KRT9: variants seen among roughly 807,000 people sequenced by gnomAD.
KRT9 encodes the protein keratin 9.
A neutral mutation model predicts 51.4 loss-of-function variants in KRT9; 34 were observed. The observed-to-expected ratio is 0.66, with a 90% confidence interval of 0.50 to 0.88. The LOEUF (loss-of-function observed/expected upper bound fraction) is 0.88. Ranked by LOEUF, KRT9 falls within the 40% of genes least tolerant of loss-of-function variation. KRT9 has a pLI of 0.00. For synonymous variants in KRT9, 292 were observed against 289.7 expected (o/e 1.01, Z -0.08); for missense variants, 753 against 790.3 (o/e 0.95, Z 0.57).
rs11313278 is a variant in KRT9 at position 41,567,173 on chromosome 17, C to CA, written c.*40+59dup. Reference sequence around the variant, plus strand: ...TGTTCCCCAGAGATTCAAAAATACTCAAAAAAAAAAAAAGGTGAGACCTTG... The same window carrying CA: ...TGTTCCCCAGAGATTCAAAAATACTCAAAAAAAAAAAAAAGGTGAGACCTTG... On this transcript the variant is annotated intron_variant, in intron 7 of 7. Transcript: ENST00000246662. 161,800 of 1,385,652 alleles carry CA rather than the reference C, an allele frequency of 0.12. 826 individuals carry two copies. The highest frequency in any genetic ancestry group is 0.17 in the Middle Eastern group (720 of 4,274). The allele number at this position is 1,385,652 out of a possible 1,614,324, so 85.8% of individuals were successfully genotyped here. A position where few individuals can be genotyped will look rare whatever the true frequency, so the allele number is the denominator to read the frequency against.
Position 41,571,969 on chromosome 17 carries a change from C to T in KRT9, c.24G>A (p.Ser8=), listed in dbSNP as rs544867237. Residue 8 remains serine, a synonymous_variant, in exon 1 of 8, where the codon TCG becomes TCA. Coordinates refer to ENST00000246662, the MANE Select transcript of KRT9 (RefSeq NM_000226.4). ...CCCCGCCGCTGCGGCTCAAGTAGGA[C>T]GAGGAGAACTGTCTGCAGCTCATGA... MSCRQFS[S]SYLSRSGGGG... 36 of 1,585,036 alleles carry T rather than the reference C, an allele frequency of 2.3e-5. No homozygotes were observed. The highest frequency in any genetic ancestry group is 2.1e-4 in the Admixed American group (12 of 56,404).
In KRT9 at chr17:41,569,566, GC is replaced by G; in HGVS notation, c.903del (p.Gln302ArgfsTer10). 1 of 1,613,872 alleles carries G rather than the reference GC, an allele frequency of 6.2e-7. No homozygotes were observed. Among genetic ancestry groups the G allele is most frequent in the South Asian group, 1.1e-5 (1 of 91,052 alleles). On this transcript the variant is annotated frameshift_variant, in exon 4 of 8. Transcript: ENST00000246662. LOFTEE classifies it high-confidence loss of function. ...NHKEEMSQLT[G>X]QNSGDVNVEI... ...TCCACATTGACATCTCCACTGTTCT[GC>G]CCAGTCAGCTGACTCATCTCCTGCC...
chr17:41,570,205 C>A lies in KRT9; in HGVS notation c.658G>T (p.Val220Leu). 1 of 1,613,912 alleles carries A rather than the reference C, an allele frequency of 6.2e-7. No individual in the cohort carries two copies. The highest frequency in any genetic ancestry group is 8.5e-7 in the Non-Finnish European group (1 of 1,179,894). ...TCCAGGAGAGTTTTGTTGTTGCCCA[C>A]TGTCAGGTCCACAATCTGAAAAAAA... is the stretch of plus-strand genomic sequence containing the variant. ...DLKDQIVDLT[V>L]GNNKTLLDID... Residue 220 changes from valine (V) to leucine (L), a missense_variant, in exon 2 of 8, where the codon GTG (valine) becomes TTG (leucine). Around this residue, in one of 3 missense-constraint regions of KRT9, gnomAD observed 507 missense variants for 563.7 expected, o/e 0.90. Transcript: ENST00000246662.
chr17:41,568,740 G>A (rs887526754), intron 4 of KRT9, 107 bp from the exon 5 acceptor site: 177 of 1,430,710 alleles, frequency 1.2e-4, no homozygotes, highest in Middle Eastern at 4.2e-4. Context: ...AGGCTGATCT[G>A]AAGCCAATGA....
intron 6 of KRT9, 78 bp downstream of exon 6, chr17:41,568,084 G>T: frequency 1.6e-6 from 2 of 1,276,588 alleles, no homozygotes; most frequent in South Asian, 2.5e-5. Context: ...TCCCCCAGCT[G>T]CCTCTATCCA....
In KRT9 at chr17:41,571,704, AACCTCT is replaced by A. The variant is rs1351127580; in HGVS notation, c.283_288del (p.Arg95_Gly96del). 6.2e-7 allele frequency: 1 copy of A among 1,608,732 alleles called. No individual in the cohort carries two copies. Among genetic ancestry groups the A allele is most frequent in the East Asian group, 2.3e-5 (1 of 44,384 alleles). On this transcript the variant is annotated inframe_deletion, in exon 1 of 8. Coordinates refer to ENST00000246662, the MANE Select transcript of KRT9 (RefSeq NM_000226.4). ...TAGCCTCCTCCAGAAGCACCACCAA[AACCTCT>A]GGAACCACCCCCAAAGCCACCGCCT...
chr17:41,567,210 C>G, intron 7 of KRT9, 23 bp downstream of exon 7: 1 of 1,613,414 alleles, frequency 6.2e-7, no homozygotes, highest in Non-Finnish European at 8.5e-7. Flanking sequence ...CTCTCCACCC[C>G]ACAACCTAGG....
At position 41,568,751 on chromosome 17, in the gene KRT9, C is replaced by T. The variant is rs1043082012; in HGVS notation, c.1045-118G>A. ...GCCAAGGCTGATCTGAAGCCAATGA[C>T]AAGTCATTCTGAGTTCTGGGTACCC... On this transcript the variant is annotated intron_variant, in intron 4 of 7. Coordinates refer to ENST00000246662, the MANE Select transcript of KRT9 (RefSeq NM_000226.4). 4.5e-5 allele frequency: 61 copies of T among 1,360,064 alleles called. 1 individual carries two copies. The Admixed American group carries it at 1.0e-3, about 23-fold the overall frequency. The allele number at this position is 1,360,064 out of a possible 1,614,324, so 84.2% of individuals were successfully genotyped here.
At position 41,567,582 on chromosome 17, in the gene KRT9, A is replaced by T. The variant is rs1249200329; in HGVS notation, c.1563T>A (p.Gly521=). ...GSRGGSGGSY[G]GGSGSGGGSG... is the part of the protein sequence containing the mutation. ...TACCTCCTCCAGAACCACTTCCTCC[A>T]CCGTAGCTGCCTCCACTTCCTCCCC... Residue 521 remains glycine, a synonymous_variant, in exon 7 of 8, where the codon GGT becomes GGA. Transcript: ENST00000246662. 3.2e-6 allele frequency: 5 copies of T among 1,553,700 alleles called. No homozygotes were observed. Among genetic ancestry groups the T allele is most frequent in the Non-Finnish European group, 4.4e-6 (5 of 1,149,402 alleles).
chr17:41,571,978 C>A lies in KRT9; in HGVS notation c.15G>T (p.Gln5His). Residue 5 changes from glutamine (Q) to histidine (H), a missense_variant, in exon 1 of 8, where the codon CAG (glutamine) becomes CAT (histidine). Physicochemically the swap from Gln to His is conservative, Grantham distance 24 (BLOSUM62 0). Transcript: ENST00000246662. ...TGCGGCTCAAGTAGGACGAGGAGAACTGTCTGCAGCTCATGACACAGCTGG... is the reference window on the plus strand; with the variant it reads ...TGCGGCTCAAGTAGGACGAGGAGAAATGTCTGCAGCTCATGACACAGCTGG... MSCR[Q>H]FSSSYLSRSG... is the part of the protein sequence containing the mutation. 2 of 1,582,970 alleles carry A rather than the reference C, an allele frequency of 1.3e-6. No homozygotes were observed. The highest frequency in any genetic ancestry group is 1.7e-6 in the Non-Finnish European group (2 of 1,166,550).
At chr17:41,569,210 A>G (rs1906986041) in intron 4 of KRT9, among the ~76,000 whole-genome samples, 1 of 152,246 alleles carries the variant, frequency 6.6e-6, no homozygotes, top group South Asian at 2.1e-4. Flanking sequence ...CTGAGACATC[A>G]ATACTTTACA....
rs5820419 is a variant in KRT9, at chr17:41,568,911, TACACACACACACAC to T, written c.1045-292_1045-279del. Among the ~76,000 whole-genome samples the T allele has an allele frequency of 9.9e-4, 133 of 133,840 alleles. 1 individual carries two copies. Among genetic ancestry groups the T allele is most frequent in the African/African-American group, 2.2e-3 (78 of 35,648 alleles). 87.8% of individuals were successfully genotyped at this position (133,840 alleles called of 152,430 possible). On this transcript the variant is annotated intron_variant, in intron 4 of 7. Coordinates refer to ENST00000246662, the MANE Select transcript of KRT9 (RefSeq NM_000226.4). ...CCAAACTTCCCCCACCTTTCAAACA[TACACACACACACAC>T]ACACACACACACACACACACACACA...
Position 41,571,922 on chromosome 17 carries a change from C to T in KRT9, c.71G>A (p.Ser24Asn), listed in dbSNP as rs750662716. 7.6e-6 allele frequency: 12 copies of T among 1,587,588 alleles called. No homozygotes were observed. In the South Asian group the frequency reaches 1.3e-4, roughly 17 times the overall value. The change falls in exon 1 of 8, where the codon AGC (serine) becomes AAC (asparagine). Residue 24 changes from serine to asparagine, a missense_variant. Ser to Asn is a conservative substitution (Grantham distance 46). Transcript: ENST00000246662. ...GTAGGAAGACCTTATGCTGCCCCCGCTGCCCAGGCCGCCCCCGCCACCCCC... is the reference window on the plus strand; with the variant it reads ...GTAGGAAGACCTTATGCTGCCCCCGTTGCCCAGGCCGCCCCCGCCACCCCC... ...SGGGGGGGLG[S>N]GGSIRSSYSR...
chr17:41,568,361 C>G lies in KRT9; in HGVS notation c.1195G>C (p.Glu399Gln), dbSNP rs753386214. Residue 399 changes from glutamate (E) to glutamine (Q), a missense_variant, in exon 6 of 8, where the codon GAA becomes CAA. This residue lies in a region of KRT9 where 507 missense variants were observed against 563.7 expected (regional missense o/e 0.90). Transcript: ENST00000246662. The stretch of plus-strand genomic sequence containing the variant: ...CCACAGTAGCGGTTCTTCGTGTCTT[C>G]CAAGCTCTTCTCCAGAGCTGCTTTC... ...SKKAALEKSL[E>Q]DTKNRYCGQL... 5 of 1,614,158 alleles carry G rather than the reference C, an allele frequency of 3.1e-6. No homozygotes were observed. In the Admixed American group the frequency reaches 8.3e-5, roughly 27 times the overall value.
chr17:41,570,367 C>A, intron 1 of KRT9, 147 bp from the exon 2 acceptor site: 2 of 756,654 alleles, frequency 2.6e-6, no homozygotes, highest in East Asian at 5.0e-5. Flanking sequence ...GGACATGGCA[C>A]AGACCCCTTC....
At chr17:41,571,206 A>T in intron 1 of KRT9, 145 bp downstream of exon 1, 3 of 835,188 alleles carry the variant, frequency 3.6e-6, no homozygotes, top group Non-Finnish European at 6.1e-6. Flanking sequence ...AACCAAACAC[A>T]AGTTTGTTTC....
Position 41,571,909 on chromosome 17 carries a change from T to C in KRT9, c.84A>G (p.Ile28Met). ...AGCTGAAGCGGCTGTAGGAAGACCT[T>C]ATGCTGCCCCCGCTGCCCAGGCCGC... is the stretch of plus-strand genomic sequence containing the variant. ...GGGGLGSGGS[I>M]RSSYSRFSSS... Residue 28 changes from isoleucine to methionine, a missense_variant, in exon 1 of 8, where the codon ATA becomes ATG. Ile to Met is a conservative substitution (Grantham distance 10). Coordinates refer to ENST00000246662, the MANE Select transcript of KRT9 (RefSeq NM_000226.4). The C allele has an allele frequency of 6.2e-7, 1 of 1,601,124 alleles. No homozygotes were observed. The highest frequency in any genetic ancestry group is 8.5e-7 in the Non-Finnish European group (1 of 1,174,330).
Position 41,567,765 on chromosome 17 carries a change from A to G in KRT9, c.1395-15T>C, listed in dbSNP as rs1466932056. On this transcript the variant is annotated splice_polypyrimidine_tract_variant and intron_variant, in intron 6 of 7. Coordinates refer to ENST00000246662, the MANE Select transcript of KRT9 (RefSeq NM_000226.4). Reference sequence around the variant, plus strand: ...CGGAGGATTCACTAAGAAAGAAAGAAAACAAGAGAGTTAAAATGAGCGGCC... The same window carrying G: ...CGGAGGATTCACTAAGAAAGAAAGAGAACAAGAGAGTTAAAATGAGCGGCC... The G allele has an allele frequency of 6.4e-5, 103 of 1,614,138 alleles. No individual in the cohort carries two copies. Among genetic ancestry groups the G allele is most frequent in the Non-Finnish European group, 8.7e-5 (103 of 1,180,038 alleles).
chr17:41,570,271 G>C, intron 1 of KRT9, 51 bp from the exon 2 acceptor site: 1 of 1,491,414 alleles, frequency 6.7e-7, no homozygotes. Context: ...CCACTGCTGA[G>C]AGGGCAAGAG....
Sources: gnomAD v4.1 joint callset for allele counts (sites outside exome capture counted in the v4.1 genomes callset) on GRCh38, gnomAD v4.1.1 for gene constraint, gnomAD v4.1.1 regional missense constraint, MANE v1.5 for transcripts, NCBI Gene and HGNC (gene_info 2026-07-23, HGNC 2026-07-21) for gene names.